RABGAP1L: variants seen among roughly 807,000 people sequenced by gnomAD.
The protein encoded by RABGAP1L is rab GTPase-activating protein 1-like.
A neutral mutation model predicts 137.7 loss-of-function variants in RABGAP1L; 63 were observed. That is an observed-to-expected ratio of 0.46 (90% CI 0.37 to 0.56). RABGAP1L has a LOEUF of 0.56. Among genes scored for constraint, RABGAP1L ranks in the 20% least tolerant of loss-of-function variants. The pLI, the probability that RABGAP1L is intolerant of heterozygous loss-of-function variation, is 0.00. For synonymous variants in RABGAP1L, 431 were observed against 433.7 expected, an observed-to-expected ratio of 0.99 and a Z score of 0.08; for missense variants, 1,095 against 1,244.0, an observed-to-expected ratio of 0.88 and a Z score of 1.80.
rs548367216 is a variant in RABGAP1L, at chr1:174,753,363, G to A, written c.2211+1009G>A. 7.9e-5 allele frequency among the ~76,000 whole-genome samples: 12 copies of A among 152,206 alleles called. 1 individual carries two copies. The highest frequency in any genetic ancestry group is 2.4e-4 in the African/African-American group (10 of 41,554). On this transcript the variant is annotated intron_variant, in intron 18 of 25. Coordinates refer to ENST00000681986, the MANE Select transcript of RABGAP1L (RefSeq NM_001366446.1). ...GTATCATAGGAGGACCTCTTGATAC[G>A]TTAGGAGAGCCTTAACCATACCTAA...
chr1:174,805,124 G>T (rs1366321120), intron 18 of RABGAP1L, among the ~76,000 whole-genome samples: 1 of 152,074 alleles, frequency 6.6e-6, no homozygotes, highest in East Asian at 1.9e-4. Context: ...TTGAATATTG[G>T]ATATGCTTGA....
rs146093278 is a variant in RABGAP1L at position 174,182,621 on chromosome 1, C to G, written c.-34+22964C>G. On this transcript the variant is annotated intron_variant, in intron 1 of 25. Transcript: ENST00000681986. ...ATTATAGTTTAAGCCATTTTTGAAGCTGTTGGAGTTGGGACATAATTCTGA... is the reference window on the plus strand; with the variant it reads ...ATTATAGTTTAAGCCATTTTTGAAGGTGTTGGAGTTGGGACATAATTCTGA... Among the ~76,000 whole-genome samples the G allele has an allele frequency of 6.6e-4, 100 of 152,256 alleles. No homozygotes were observed. The East Asian group carries it at 0.017, about 26-fold the overall frequency.
At chr1:174,769,335 TGGTGGGTCCA>T (rs1332205030) in intron 18 of RABGAP1L, among the ~76,000 whole-genome samples, 2 of 152,044 alleles carry the variant, frequency 1.3e-5, no homozygotes, top group Non-Finnish European at 2.9e-5. Flanking sequence ...CAGGAGCAGT[TGGTGGGTCCA>T]GGTGGAGCCA....
intron 13 of RABGAP1L, among the ~76,000 whole-genome samples, chr1:174,492,642 G>C (rs1252784606): frequency 6.6e-6 from 1 of 151,986 alleles, no homozygotes; most frequent in Non-Finnish European, 1.5e-5. Context: ...GAGCCACCGT[G>C]CCTGGTCTAC....
intron 13 of RABGAP1L, among the ~76,000 whole-genome samples, chr1:174,629,815 C>T (rs188408857): frequency 1.1e-3 from 165 of 152,262 alleles, no homozygotes; most frequent in Admixed American, 2.8e-3. Flanking sequence ...TGAGCCATCG[C>T]GCCTGGCCAG....
intron 12 of RABGAP1L, among the ~76,000 whole-genome samples, chr1:174,389,218 G>A (rs962584632): frequency 2.0e-5 from 3 of 151,704 alleles, no homozygotes; most frequent in African/African-American, 7.3e-5. Flanking sequence ...TCTCATTATT[G>A]CGGGATGGAG....
intron 4 of RABGAP1L, among the ~76,000 whole-genome samples, chr1:174,240,243 T>G (rs768974075): frequency 2.6e-5 from 4 of 151,998 alleles, no homozygotes; most frequent in African/African-American, 4.8e-5. Flanking sequence ...TTGTTTTTGT[T>G]TTTGTGTTTG....
Position 174,448,526 on chromosome 1 carries a change from C to T in RABGAP1L, c.1710+54381C>T, listed in dbSNP as rs1170872463. The stretch of plus-strand genomic sequence containing the variant: ...ATGTCTTGCTTGCATCAGTGTGGAT[C>T]GTTATCTTGCAATAACCAAGCCTCT... On this transcript the variant is annotated intron_variant, in intron 13 of 25. Coordinates refer to ENST00000681986, the MANE Select transcript of RABGAP1L (RefSeq NM_001366446.1). This position sits in a 1 kb window ranked among gnomAD's most constrained non-coding sequence, Gnocchi z 4.2. 1.2e-6 allele frequency: 2 copies of T among 1,611,264 alleles called. No homozygotes were observed. The highest frequency in any genetic ancestry group is 1.1e-5 in the South Asian group (1 of 91,008).
At chr1:174,533,276 G>C (rs950541909) in intron 13 of RABGAP1L, among the ~76,000 whole-genome samples, 1 of 152,086 alleles carries the variant, frequency 6.6e-6, no homozygotes, top group Admixed American at 6.5e-5. Context: ...CCTTCCATGC[G>C]CTCCCCTCTG....
At chr1:174,169,331 A>G (rs902646876) in intron 1 of RABGAP1L, among the ~76,000 whole-genome samples, 1 of 151,358 alleles carries the variant, frequency 6.6e-6, no homozygotes. Context: ...GGTTCAAGCA[A>G]TTCTCCTGCC....
intron 13 of RABGAP1L, among the ~76,000 whole-genome samples, chr1:174,395,443 A>G (rs911968255): frequency 6.6e-6 from 1 of 152,158 alleles, no homozygotes; most frequent in Non-Finnish European, 1.5e-5. Flanking sequence ...GATAATGACA[A>G]AGCAACTACT....
At chr1:174,202,210 C>T (rs970613720) in intron 1 of RABGAP1L, among the ~76,000 whole-genome samples, 1 of 151,958 alleles carries the variant, frequency 6.6e-6, no homozygotes, top group Non-Finnish European at 1.5e-5. Flanking sequence ...GTTCTAGATC[C>T]CTGAGGAATC....
intron 19 of RABGAP1L, among the ~76,000 whole-genome samples, chr1:174,946,976 G>GTATA (rs1482540228): frequency 8.8e-6 from 1 of 113,492 alleles, no homozygotes; most frequent in Non-Finnish European, 1.8e-5. Flanking sequence ...GTGTGTGTGT[G>GTATA]TGTGTATATA....
intron 13 of RABGAP1L, among the ~76,000 whole-genome samples, chr1:174,505,690 G>A (rs1159006125): frequency 3.9e-5 from 6 of 152,046 alleles, no homozygotes; most frequent in Admixed American, 2.6e-4. Flanking sequence ...ACCCTTGCAC[G>A]CTGTTGGTGG....
In RABGAP1L at chr1:174,831,265, A is replaced by C. The variant is rs1350133105; in HGVS notation, c.2340+19305A>C. The stretch of plus-strand genomic sequence containing the variant: ...TTGAGAATATTGCAATTAAAGACTA[A>C]GAGAGTACTCCGAGTCTCCCAAAGT... On this transcript the variant is annotated intron_variant, in intron 19 of 25. Transcript: ENST00000681986. Among the ~76,000 whole-genome samples, 5 of 148,240 alleles carry C rather than the reference A, an allele frequency of 3.4e-5. 1 individual carries two copies. The highest frequency in any genetic ancestry group is 1.4e-4 in the Admixed American group (2 of 14,774).
intron 20 of RABGAP1L, among the ~76,000 whole-genome samples, chr1:174,958,921 T>G (rs576722116): frequency 6.6e-6 from 1 of 152,228 alleles, no homozygotes; most frequent in African/African-American, 2.4e-5. Flanking sequence ...ATGCTGTATG[T>G]TAAGGACTCA....
At chr1:174,770,705 A>G (rs1167271790) in intron 18 of RABGAP1L, among the ~76,000 whole-genome samples, 2 of 152,182 alleles carry the variant, frequency 1.3e-5, no homozygotes, top group African/African-American at 4.8e-5. Flanking sequence ...CTCTGTCTTC[A>G]TCCTCTTCTG....
chr1:174,729,334 G>T (rs1682266929), intron 17 of RABGAP1L, among the ~76,000 whole-genome samples: 1 of 152,112 alleles, frequency 6.6e-6, no homozygotes, highest in African/African-American at 2.4e-5. Flanking sequence ...ACTCAAGAAG[G>T]ATTAAAGATT....
At chr1:174,375,827 G>T (rs58525721) in intron 12 of RABGAP1L, among the ~76,000 whole-genome samples, 11,096 of 152,146 alleles carry the variant, frequency 0.073, 597 homozygotes, top group East Asian at 0.32. Flanking sequence ...CACTTCAGGA[G>T]GCTGAGGCGA....
Sources: allele counts gnomAD v4.1 joint callset (sites outside exome capture counted in the v4.1 genomes callset), GRCh38; gene constraint gnomAD v4.1.1; non-coding constraint Gnocchi (gnomAD v3.1); transcripts MANE v1.5; gene names NCBI Gene and HGNC (gene_info 2026-07-23, HGNC 2026-07-21).